The following SDK2 variants were observed in gnomAD, a reference collection of about 807,000 sequenced individuals.
SDK2 encodes sidekick cell adhesion molecule 2.
In SDK2, 105 loss-of-function variants were observed where a neutral mutation model predicts 253.9. The observed-to-expected ratio is 0.41, with a 90% CI of 0.35 to 0.49. SDK2 has a LOEUF of 0.49. Ranked by LOEUF, SDK2 falls within the 20% of genes least tolerant of loss-of-function variation. SDK2 has a pLI of 0.06. For missense variants in SDK2, 2,608 were observed against 3,003.0 expected (o/e 0.87, Z 3.07); for synonymous variants, 1,249 against 1,234.9 (o/e 1.01, Z -0.24).
chr17:73,429,617 G>C (rs2063310184), intron 12 of SDK2, among the ~76,000 whole-genome samples: 1 of 152,256 alleles, frequency 6.6e-6, no homozygotes, highest in African/African-American at 2.4e-5. Flanking sequence ...ATTTCTCCCA[G>C]TGCAGGAGCG....
chr17:73,369,080 G>C (rs983343048), intron 36 of SDK2: 4 of 428,886 alleles, frequency 9.3e-6, no homozygotes, highest in Non-Finnish European at 2.0e-5. Context: ...TCACAGCCAA[G>C]ACCCTGGTCT....
At chr17:73,471,779 G>A (rs2063652912) in intron 3 of SDK2, among the ~76,000 whole-genome samples, 1 of 152,038 alleles carries the variant, frequency 6.6e-6, no homozygotes, top group Non-Finnish European at 1.5e-5. Context: ...CAAATCAGCT[G>A]GTCCCATTTA....
At chr17:73,451,989 GC>G (rs1410360987) in intron 4 of SDK2, among the ~76,000 whole-genome samples, 3 of 152,192 alleles carry the variant, frequency 2.0e-5, no homozygotes, top group African/African-American at 7.2e-5. Context: ...AATGTACTAG[GC>G]TTTTGCTATG....
At chr17:73,489,949 A>C (rs145498482) in intron 2 of SDK2, among the ~76,000 whole-genome samples, 3 of 152,202 alleles carry the variant, frequency 2.0e-5, no homozygotes, top group Admixed American at 2.0e-4. Flanking sequence ...TTTAACATCA[A>C]AAGAGGACAA....
chr17:73,588,062 C>A (rs1349950553), intron 1 of SDK2, among the ~76,000 whole-genome samples: 1 of 152,044 alleles, frequency 6.6e-6, no homozygotes, highest in Non-Finnish European at 1.5e-5. Context: ...AACAGCAGCA[C>A]CTGGAAGCTT....
rs1181362170 is a variant in SDK2 at position 73,570,798 on chromosome 17, C to T, written c.65-63201G>A. On this transcript the variant is annotated intron_variant, in intron 1 of 44. Transcript: ENST00000392650. The surrounding 1 kb of genome is among the most constrained non-coding windows in gnomAD (Gnocchi z 4.2). ...TCTTCTACCCATTCCTGTGTTCTTC[C>T]TGCCCCTCACTGGACTGAACTGAGT... 2.0e-5 allele frequency among the ~76,000 whole-genome samples: 3 copies of T among 152,186 alleles called. No homozygotes were observed. The highest frequency in any genetic ancestry group is 2.0e-4 in the Admixed American group (3 of 15,284).
rs1440795364 is a variant in SDK2, at chr17:73,395,587, T to C, written c.3355-195A>G. On this transcript the variant is annotated intron_variant, in intron 24 of 44. Coordinates refer to ENST00000392650, the MANE Select transcript of SDK2 (RefSeq NM_001144952.2). The surrounding 1 kb of genome is among the most constrained non-coding windows in gnomAD (Gnocchi z 4.3). ...TGACTGTGTTTCTGATGGGCTCTTA[T>C]CTTCCTGCAGGGAGGACAGAGAAGC... 6.6e-6 allele frequency among the ~76,000 whole-genome samples: 1 copy of C among 152,220 alleles called. No individual in the cohort carries two copies. The highest frequency in any genetic ancestry group is 6.5e-5 in the Admixed American group (1 of 15,288).
chr17:73,401,379 C>T (rs572108944), intron 20 of SDK2, among the ~76,000 whole-genome samples, 168 bp from the exon 21 acceptor site: 6 of 152,238 alleles, frequency 3.9e-5, no homozygotes, highest in South Asian at 2.1e-4. Context: ...TCTCAGGTGT[C>T]GCCTCAGTGG....
intron 1 of SDK2, among the ~76,000 whole-genome samples, chr17:73,540,536 A>G (rs371797706): frequency 3.9e-4 from 59 of 152,282 alleles, no homozygotes; most frequent in African/African-American, 1.3e-3. Flanking sequence ...TTGCTATTAA[A>G]CCCATAACAT....
chr17:73,500,174 CCCTCCATTCTCCTCCAT>C (rs2063876431), intron 2 of SDK2, among the ~76,000 whole-genome samples: 1 of 148,320 alleles, frequency 6.7e-6, no homozygotes, highest in African/African-American at 2.5e-5. Flanking sequence ...TGTCCATCCT[CCCTCCATTCTCCTCCAT>C]CCTCCATCCA....
In SDK2 at chr17:73,368,347, T is replaced by C. The variant is rs182180560; in HGVS notation, c.5167+60A>G. The C allele has an allele frequency of 1.1e-4, 148 of 1,344,890 alleles. No individual in the cohort carries two copies. The African/African-American group carries it at 2.0e-3, about 18-fold the overall frequency. 83.3% of individuals were successfully genotyped at this position (1,344,890 alleles called of 1,614,324 possible). On this transcript the variant is annotated intron_variant, in intron 37 of 44. Transcript: ENST00000392650. ...GCCAAGAGCCCGGATGCCAGGTAGG[T>C]CCTCTTGCAACCCCCCGTGGCCGAC...
At chr17:73,638,804 G>A (rs28760366) in intron 1 of SDK2, among the ~76,000 whole-genome samples, 48,153 of 145,704 alleles carry the variant, frequency 0.33, 8,032 homozygotes, top group South Asian at 0.37. Context: ...GTAGATAACA[G>A]TCTTTTTTTT....
At position 73,565,884 on chromosome 17, in the gene SDK2, C is replaced by T. The variant is rs552434365; in HGVS notation, c.65-58287G>A. Among the ~76,000 whole-genome samples the T allele has an allele frequency of 4.6e-5, 7 of 152,320 alleles. No individual in the cohort carries two copies. In the South Asian group the frequency reaches 1.0e-3, roughly 23 times the overall value. ...CTGTCGCCAGGCTGTAGTGCAATAG[C>T]GCAATCTCAGCTCACTGCAAGCTCC... On this transcript the variant is annotated intron_variant, in intron 1 of 44. Transcript: ENST00000392650.
chr17:73,445,601 G>A (rs1000380629), intron 5 of SDK2, among the ~76,000 whole-genome samples: 3 of 152,116 alleles, frequency 2.0e-5, no homozygotes, highest in African/African-American at 7.2e-5. Flanking sequence ...GAAGCGGTGC[G>A]GAGGGGAGAG....
At chr17:73,498,769 T>C (rs2063863354) in intron 2 of SDK2, among the ~76,000 whole-genome samples, 1 of 152,072 alleles carries the variant, frequency 6.6e-6, no homozygotes, top group Non-Finnish European at 1.5e-5. Flanking sequence ...TTTGGAGTGT[T>C]TGTTAATAAG....
chr17:73,606,325 C>T (rs527284864), intron 1 of SDK2, among the ~76,000 whole-genome samples: 8 of 151,744 alleles, frequency 5.3e-5, no homozygotes, highest in Admixed American at 1.3e-4. Flanking sequence ...GCCCCCCTCC[C>T]GGAAAGATGG....
At chr17:73,578,123 G>A (rs187573042) in intron 1 of SDK2, among the ~76,000 whole-genome samples, 27 of 150,592 alleles carry the variant, frequency 1.8e-4, no homozygotes, top group African/African-American at 5.4e-4. Flanking sequence ...GCAATGGTGC[G>A]ATCTCAGCTC....
At chr17:73,375,653 C>T (rs931760820) in intron 36 of SDK2, among the ~76,000 whole-genome samples, 17 of 152,036 alleles carry the variant, frequency 1.1e-4, no homozygotes, top group Admixed American at 5.3e-4. Flanking sequence ...GTCAGGAGCT[C>T]GAGACAAGCT....
chr17:73,500,725 T>A (rs943363555), intron 2 of SDK2, among the ~76,000 whole-genome samples: 1 of 145,300 alleles, frequency 6.9e-6, no homozygotes, highest in African/African-American at 2.6e-5. Flanking sequence ...CCATCCTCTG[T>A]CCATCCTCCC....
Sources: gnomAD v4.1 joint callset for allele counts (sites outside exome capture counted in the v4.1 genomes callset) on GRCh38, gnomAD v4.1.1 for gene constraint, Gnocchi (gnomAD v3.1) non-coding constraint, MANE v1.5 for transcripts, NCBI Gene and HGNC (gene_info 2026-07-23, HGNC 2026-07-21) for gene names.